The following THRB variants were observed in gnomAD, a reference collection of about 807,000 sequenced individuals.
THRB encodes nuclear receptor subfamily 1 group A member 2.
In THRB, 12 loss-of-function variants were observed where a neutral mutation model predicts 47.8. That is an observed-to-expected ratio of 0.25 (90% CI 0.16 to 0.41). The LOEUF is 0.41. Among genes scored for constraint, THRB ranks in the 10% least tolerant of loss-of-function variants. The pLI is 1.00. For synonymous variants in THRB, 218 were observed against 212.2 expected (o/e 1.03, Z -0.24); for missense variants, 348 against 589.2 (o/e 0.59, Z 4.24).
intron 3 of THRB, among the ~76,000 whole-genome samples, chr3:24,283,113 G>A (rs1405580476): frequency 3.3e-5 from 5 of 149,980 alleles, no homozygotes; most frequent in South Asian, 2.1e-4. Context: ...TACCAAAGCC[G>A]GGCAGAGACA....
intron 1 of THRB, among the ~76,000 whole-genome samples, chr3:24,374,461 T>C (rs1345749910): frequency 1.3e-5 from 2 of 152,178 alleles, no homozygotes; most frequent in Non-Finnish European, 1.5e-5. Context: ...TTTGCTTATG[T>C]ACGTGTATTT....
chr3:24,474,317 A>G (rs1480634260), intron 1 of THRB, among the ~76,000 whole-genome samples: 3 of 152,234 alleles, frequency 2.0e-5, no homozygotes, highest in Non-Finnish European at 2.9e-5. Context: ...ATAGGATACT[A>G]TCCTCAAAAT....
At chr3:24,223,958 C>A (rs1286950911) in intron 4 of THRB, among the ~76,000 whole-genome samples, 2 of 152,024 alleles carry the variant, frequency 1.3e-5, no homozygotes, top group Non-Finnish European at 2.9e-5. Context: ...AGGCTTGATA[C>A]AATTTTGCCT....
At chr3:24,366,253 G>A (rs1461100785) in intron 1 of THRB, among the ~76,000 whole-genome samples, 2 of 152,086 alleles carry the variant, frequency 1.3e-5, no homozygotes, top group Non-Finnish European at 2.9e-5. Flanking sequence ...TATATAACAA[G>A]CATTCTCTAC....
At chr3:24,184,236 G>C (rs922727117) in intron 5 of THRB, among the ~76,000 whole-genome samples, 6 of 152,232 alleles carry the variant, frequency 3.9e-5, no homozygotes, top group Non-Finnish European at 7.3e-5. Flanking sequence ...CCAGTGGACA[G>C]ACATTTAGAT....
At chr3:24,241,868 A>G (rs733367) in intron 3 of THRB, among the ~76,000 whole-genome samples, 72,584 of 151,772 alleles carry the variant, frequency 0.48, 19,849 homozygotes, top group African/African-American at 0.76. Flanking sequence ...TCTGATGCAC[A>G]CTTGAGTGTG....
rs2031108370 is a variant in THRB, at chr3:24,118,923, A to G, written c.*3961T>C. On this transcript the variant is annotated 3_prime_UTR_variant, in exon 11 of 11. Coordinates refer to ENST00000646209, the MANE Select transcript of THRB (RefSeq NM_001354712.2). ...TTTTCGCATTTGCAAACATTTATAC[A>G]GCACAGTAAAAATTCTGTGATAAGG... 6.7e-6 allele frequency: 1 copy of G among 148,978 alleles called. No individual in the cohort carries two copies. The highest frequency in any genetic ancestry group is 6.7e-5 in the Admixed American group (1 of 14,934). 9.2% of individuals were successfully genotyped at this position (148,978 alleles called of 1,614,324 possible). A position where few individuals can be genotyped will look rare whatever the true frequency, so the allele number is the denominator to read the frequency against.
In THRB at chr3:24,417,127, CACACACACA is replaced by C. The variant is rs1168565326; in HGVS notation, c.-261+77516_-261+77524del. On this transcript the variant is annotated intron_variant, in intron 1 of 10. Coordinates refer to ENST00000646209, the MANE Select transcript of THRB (RefSeq NM_001354712.2). ...ACACACACACACACACACACACACA[CACACACACA>C]CACGCGCAACGCGTTATGACTGCTT... Among the ~76,000 whole-genome samples the C allele has an allele frequency of 4.1e-3, 623 of 151,176 alleles. 4 individuals carry two copies. Among genetic ancestry groups the C allele is most frequent in the South Asian group, 9.3e-3 (44 of 4,756 alleles).
At chr3:24,373,315 G>T (rs1055147556) in intron 1 of THRB, among the ~76,000 whole-genome samples, 1 of 152,126 alleles carries the variant, frequency 6.6e-6, no homozygotes, top group Non-Finnish European at 1.5e-5. Context: ...AATAAAGAAC[G>T]TGTATGCAAA....
chr3:24,207,038 G>A (rs961197902), intron 4 of THRB, among the ~76,000 whole-genome samples: 21 of 152,102 alleles, frequency 1.4e-4, no homozygotes, highest in Non-Finnish European at 2.1e-4. Context: ...AGGACCAGAC[G>A]GATTCACAGC....
intron 3 of THRB, among the ~76,000 whole-genome samples, chr3:24,247,384 T>A (rs2150324257): frequency 6.6e-6 from 1 of 152,288 alleles, no homozygotes; most frequent in Non-Finnish European, 1.5e-5. Flanking sequence ...TTCTGCTGCC[T>A]CCTTTATTAC....
chr3:24,246,574 G>A (rs1486083792), intron 3 of THRB, among the ~76,000 whole-genome samples: 1 of 152,158 alleles, frequency 6.6e-6, no homozygotes, highest in East Asian at 1.9e-4. Flanking sequence ...TTTGGGGGCA[G>A]CAGCATTTGC....
At chr3:24,360,918 G>A (rs761129186) in intron 1 of THRB, among the ~76,000 whole-genome samples, 7 of 152,052 alleles carry the variant, frequency 4.6e-5, no homozygotes, top group Non-Finnish European at 7.4e-5. Flanking sequence ...GGTGGGGCTC[G>A]AACATCAGTA....
chr3:24,135,629 G>A (rs2034525805), intron 8 of THRB, among the ~76,000 whole-genome samples: 1 of 151,910 alleles, frequency 6.6e-6, no homozygotes, highest in Admixed American at 6.6e-5. Context: ...TTGTGCTAAA[G>A]TAAAAGGTAC....
chr3:24,159,661 G>A (rs1449476980), intron 5 of THRB, among the ~76,000 whole-genome samples: 1 of 152,118 alleles, frequency 6.6e-6, no homozygotes, highest in African/African-American at 2.4e-5. Context: ...GTCCTCGAGT[G>A]GGGATGATTT....
chr3:24,273,129 AACAC>A (rs146281602), intron 3 of THRB, among the ~76,000 whole-genome samples: 5 of 150,710 alleles, frequency 3.3e-5, no homozygotes, highest in African/African-American at 1.2e-4. Flanking sequence ...CTATGAATTA[AACAC>A]ACACACACAC....
chr3:24,488,557 C>CTT (rs34346213), intron 1 of THRB, among the ~76,000 whole-genome samples: 34 of 145,914 alleles, frequency 2.3e-4, no homozygotes, highest in Middle Eastern at 3.6e-3. Context: ...AATTTGCCTT[C>CTT]TTTTTTTTTT....
chr3:24,483,513 CAT>C (rs754202016), intron 1 of THRB, among the ~76,000 whole-genome samples: 1 of 144,312 alleles, frequency 6.9e-6, no homozygotes, highest in African/African-American at 2.6e-5. Context: ...AAAAAAAAAA[CAT>C]GTTAATAATG....
chr3:24,316,488 C>T (rs76091363), intron 2 of THRB, among the ~76,000 whole-genome samples: 3,174 of 151,890 alleles, frequency 0.021, 98 homozygotes, highest in African/African-American at 0.072. Context: ...TTGCTCTCAC[C>T]CTTGTTCCTC....
Sources: gnomAD v4.1 joint callset for allele counts (sites outside exome capture counted in the v4.1 genomes callset) on GRCh38, gnomAD v4.1.1 for gene constraint, MANE v1.5 for transcripts, NCBI Gene and HGNC (gene_info 2026-07-23, HGNC 2026-07-21) for gene names.